Variants in DST observed in about 807,000 individuals in gnomAD.
The protein encoded by DST is bullous pemphigoid antigen.
A neutral mutation model predicts 875.2 loss-of-function variants in DST; 253 were observed. The observed-to-expected ratio is 0.29, with a 90% CI of 0.26 to 0.32. The LOEUF (loss-of-function observed/expected upper bound fraction) is 0.32. Among genes scored for constraint, DST ranks in the 10% least tolerant of loss-of-function variants. DST has a pLI of 1.00. For synonymous variants in DST, 3,124 were observed against 3,197.1 expected (o/e 0.98, Z 0.77); for missense variants, 8,287 against 9,111.6 (o/e 0.91, Z 3.68).
chr6:56,807,151 A>G (rs2099753974), intron 4 of DST, among the ~76,000 whole-genome samples: 1 of 152,136 alleles, frequency 6.6e-6, no homozygotes, highest in East Asian at 1.9e-4. Context: ...CCCAGGCTCA[A>G]GCAGTCCCCC....
Position 56,530,137 on chromosome 6 carries a change from C to A in DST, c.17109-4G>T. 1 of 1,572,358 alleles carries A rather than the reference C, an allele frequency of 6.4e-7. No individual in the cohort carries two copies. On this transcript the variant is annotated splice_polypyrimidine_tract_variant and splice_region_variant and intron_variant, in intron 64 of 103. Coordinates refer to ENST00000680361, the MANE Select transcript of DST (RefSeq NM_001374736.1). Reference sequence around the variant, plus strand: ...GATACCTTCCAACTGACGATTCCTACAAATGTGCCAAAAGGTCATTTAGGG... The same window carrying A: ...GATACCTTCCAACTGACGATTCCTAAAAATGTGCCAAAAGGTCATTTAGGG...
intron 78 of DST, among the ~76,000 whole-genome samples, chr6:56,503,594 T>TACATACACACAC (rs1554261512): frequency 7.1e-6 from 1 of 140,806 alleles, no homozygotes; most frequent in Non-Finnish European, 1.5e-5. Context: ...TACCTATACA[T>TACATACACACAC]ACACACACAC....
Position 56,464,717 on chromosome 6 carries a change from T to A in DST, c.22727A>T (p.Asn7576Ile). ...HGSKMLRSESNSSITTTQPTI... is the reference protein window; with the variant it reads ...HGSKMLRSESISSITTTQPTI... ...AGGCTGAGTAGTAGTAATTGAAGAG[T>A]TTGATTCCGAACGTAACATTTTACT... The change falls in exon 100 of 104, where the codon AAC (asparagine) becomes ATC (isoleucine). Residue 7576 changes from asparagine to isoleucine, a missense_variant. By Grantham distance (149) the Asn-to-Ile change is moderately radical. This residue lies in a region of DST where 64 missense variants were observed against 86.2 expected (regional missense o/e 0.74). Coordinates refer to ENST00000680361, the MANE Select transcript of DST (RefSeq NM_001374736.1). The A allele has an allele frequency of 6.2e-7, 1 of 1,600,464 alleles. No homozygotes were observed. Among genetic ancestry groups the A allele is most frequent in the Admixed American group, 1.7e-5 (1 of 58,378 alleles).
intron 3 of DST, among the ~76,000 whole-genome samples, chr6:56,882,080 A>G (rs1368378905): frequency 6.6e-6 from 1 of 152,208 alleles, no homozygotes; most frequent in Admixed American, 6.5e-5. Context: ...ATGCTCAATA[A>G]TGTTTAACCT....
At chr6:56,634,777 T>C in intron 25 of DST, 24 bp downstream of exon 25, 1 of 1,610,244 alleles carries the variant, frequency 6.2e-7, no homozygotes, top group Non-Finnish European at 8.5e-7. Flanking sequence ...CAGAAACTGG[T>C]CTGTTTCTAG....
rs1168821067 is a variant in DST, at chr6:56,527,599, T to C, written c.17816A>G (p.His5939Arg). 1 of 1,613,838 alleles carries C rather than the reference T, an allele frequency of 6.2e-7. No individual in the cohort carries two copies. The highest frequency in any genetic ancestry group is 1.1e-5 in the South Asian group (1 of 91,086). ...LQLARRLHST[H>R]EELCTWLDKV... ...GTCCAGCCAGGTACACAGCTCTTCGTGTGTGGAGTGCAGCCGCCTTGCAAG... is the reference window on the plus strand; with the variant it reads ...GTCCAGCCAGGTACACAGCTCTTCGCGTGTGGAGTGCAGCCGCCTTGCAAG... Residue 5939 changes from histidine to arginine, a missense_variant, in exon 68 of 104, where the codon CAC becomes CGC. This residue lies in a region of DST where 777 missense variants were observed against 764.8 expected (regional missense o/e 1.02). Transcript: ENST00000680361.
intron 48 of DST, among the ~76,000 whole-genome samples, chr6:56,593,124 T>C (rs1158997049): frequency 6.6e-6 from 1 of 152,160 alleles, no homozygotes. Flanking sequence ...TTAGAGCATT[T>C]GAGAGCTGGG....
At chr6:56,682,031 C>CA (rs2099159613) in intron 9 of DST, among the ~76,000 whole-genome samples, 1 of 152,164 alleles carries the variant, frequency 6.6e-6, no homozygotes, top group Admixed American at 6.5e-5. Flanking sequence ...TAAAAATAAC[C>CA]AAAACCTAGT....
At position 56,693,266 on chromosome 6, in the gene DST, T is replaced by A. The variant is rs2099244179; in HGVS notation, c.1047+6387A>T. 3 of 1,191,280 alleles carry A rather than the reference T, an allele frequency of 2.5e-6. No individual in the cohort carries two copies. In the Admixed American group the frequency reaches 1.1e-4, roughly 44 times the overall value. The allele number at this position is 1,191,280 out of a possible 1,614,324, so 73.8% of individuals were successfully genotyped here. On this transcript the variant is annotated intron_variant, in intron 9 of 103. Coordinates refer to ENST00000680361, the MANE Select transcript of DST (RefSeq NM_001374736.1). Reference sequence around the variant, plus strand: ...TCTGACATCTGTTCCACACAGACTTTATGACCATCCTCTTCAGTCTGAGGC... The same window carrying A: ...TCTGACATCTGTTCCACACAGACTTAATGACCATCCTCTTCAGTCTGAGGC...
chr6:56,787,722 T>C (rs1358038541), intron 4 of DST, among the ~76,000 whole-genome samples: 1 of 152,206 alleles, frequency 6.6e-6, no homozygotes, highest in African/African-American at 2.4e-5. Flanking sequence ...ACAATCATGG[T>C]TATTAGATTC....
In DST at chr6:56,784,371, G is replaced by A. The variant is rs149350188; in HGVS notation, c.626-49082C>T. On this transcript the variant is annotated intron_variant, in intron 4 of 103. Transcript: ENST00000680361. ...TCACTTTCAGGTACACTGATCAGAC[G>A]CAGATTTGGTCTTTTCACATAGTCC... Among the ~76,000 whole-genome samples, 548 of 152,318 alleles carry A rather than the reference G, an allele frequency of 3.6e-3. 3 individuals carry two copies. The highest frequency in any genetic ancestry group is 0.02 in the Middle Eastern group (6 of 294).
intron 5 of DST, among the ~76,000 whole-genome samples, chr6:56,721,469 A>G (rs2099416334): frequency 1.3e-5 from 2 of 152,334 alleles, no homozygotes; most frequent in Admixed American, 1.3e-4. Context: ...TGCAGTAAAG[A>G]CAGGCATAGG....
intron 33 of DST, among the ~76,000 whole-genome samples, chr6:56,627,573 A>G (rs2098745697): frequency 6.6e-6 from 1 of 152,214 alleles, no homozygotes; most frequent in Non-Finnish European, 1.5e-5. Flanking sequence ...AAGAAAATAG[A>G]GCTAGAGATG....
chr6:56,682,542 G>A (rs1178260302), intron 9 of DST, among the ~76,000 whole-genome samples: 1 of 152,108 alleles, frequency 6.6e-6, no homozygotes, highest in East Asian at 1.9e-4. Flanking sequence ...TCCCTCTGGA[G>A]AGAGCTGAGA....
chr6:56,673,619 G>T (rs2099113852), intron 9 of DST, among the ~76,000 whole-genome samples: 1 of 152,184 alleles, frequency 6.6e-6, no homozygotes, highest in Non-Finnish European at 1.5e-5. Flanking sequence ...AGAAAATAAT[G>T]TATTCTTGTT....
chr6:56,611,872 C>T (rs886928299), intron 37 of DST, among the ~76,000 whole-genome samples: 5 of 152,154 alleles, frequency 3.3e-5, no homozygotes, highest in Admixed American at 6.5e-5. Flanking sequence ...CTAGTCCAGC[C>T]GTGGATAAAG....
At chr6:56,726,856 A>T (rs529574166) in intron 5 of DST, among the ~76,000 whole-genome samples, 7 of 152,304 alleles carry the variant, frequency 4.6e-5, no homozygotes, top group Admixed American at 2.0e-4. Context: ...TCTGAGGAAA[A>T]CAGCAGTGTA....
At chr6:56,946,097 A>G (rs1281626718) in intron 2 of DST, among the ~76,000 whole-genome samples, 1 of 152,168 alleles carries the variant, frequency 6.6e-6, no homozygotes, top group Non-Finnish European at 1.5e-5. Context: ...AGTAGGCCCA[A>G]GACAGGGAAT....
Position 56,532,075 on chromosome 6 carries a change from A to T in DST, c.17108+269T>A, listed in dbSNP as rs113443648. Among the ~76,000 whole-genome samples the T allele has an allele frequency of 4.3e-4, 65 of 152,300 alleles. 1 individual carries two copies. Among genetic ancestry groups the T allele is most frequent in the African/African-American group, 1.2e-3 (50 of 41,578 alleles). ...CAAGACCTAACTCTGTGCCTGATGC[A>T]TGGTAAGCAGGCAGTAACTATGTAA... On this transcript the variant is annotated intron_variant, in intron 64 of 103. Transcript: ENST00000680361.
Sources: gnomAD v4.1 joint callset for allele counts (sites outside exome capture counted in the v4.1 genomes callset) on GRCh38, gnomAD v4.1.1 for gene constraint, gnomAD v4.1.1 regional missense constraint, MANE v1.5 for transcripts, NCBI Gene and HGNC (gene_info 2026-07-23, HGNC 2026-07-21) for gene names.